TNFAIP8: variants seen among roughly 807,000 people sequenced by gnomAD.
TNFAIP8 encodes tumor necrosis factor alpha-induced protein 8.
Under a neutral mutation model 13.3 loss-of-function variants are expected in TNFAIP8, and 7 were observed. That is an observed-to-expected ratio of 0.52 (90% CI 0.30 to 0.99). The LOEUF (loss-of-function observed/expected upper bound fraction) is 0.99. Ranked by LOEUF, TNFAIP8 falls within the 50% of genes least tolerant of loss-of-function variation. The probability of loss-of-function intolerance (pLI) is 0.07; values close to 1 mark genes in which losing one functional copy is unlikely to be tolerated. For missense variants in TNFAIP8, 258 were observed against 236.9 expected, an observed-to-expected ratio of 1.09 and a Z score of -0.58; for synonymous variants, 94 against 87.6, an observed-to-expected ratio of 1.07 and a Z score of -0.41.
At chr5:119,283,971 T>TTTGCCTC (rs1236403927) in intron 1 of TNFAIP8, among the ~76,000 whole-genome samples, 6 of 152,352 alleles carry the variant, frequency 3.9e-5, no homozygotes, top group Non-Finnish European at 8.8e-5. Flanking sequence ...CTTTTTGCCT[T>TTTGCCTC]TTGCCTCTGG....
intron 1 of TNFAIP8, among the ~76,000 whole-genome samples, chr5:119,392,607 C>T (rs1233264464): frequency 6.6e-6 from 1 of 152,198 alleles, no homozygotes; most frequent in Non-Finnish European, 1.5e-5. Flanking sequence ...CCACCTCAGT[C>T]TCCCAAAGTG....
intron 1 of TNFAIP8, among the ~76,000 whole-genome samples, chr5:119,384,961 A>T (rs1471973799): frequency 4.6e-5 from 7 of 152,252 alleles, no homozygotes; most frequent in Middle Eastern, 3.2e-3. Context: ...AATAAAAGAT[A>T]CACGGTTGAA....
intron 1 of TNFAIP8, among the ~76,000 whole-genome samples, chr5:119,363,790 T>G (rs1044169623): frequency 2.0e-5 from 3 of 152,174 alleles, no homozygotes; most frequent in African/African-American, 7.2e-5. Context: ...GGTTAAGGGC[T>G]CAGTCCCACA....
chr5:119,347,973 A>G (rs1750970576), intron 1 of TNFAIP8, among the ~76,000 whole-genome samples: 1 of 152,260 alleles, frequency 6.6e-6, no homozygotes, highest in African/African-American at 2.4e-5. Context: ...TCTGTGGTCC[A>G]GATTCCACAA....
upstream of TNFAIP8, chr5:119,355,081 G>C (rs1751331780): frequency 1.9e-6 from 1 of 521,452 alleles, no homozygotes; most frequent in African/African-American, 1.9e-5. Context: ...ACAGAGCTAA[G>C]GGGACTTCCT....
chr5:119,368,031 A>G (rs1249080572), intron 1 of TNFAIP8, among the ~76,000 whole-genome samples: 2 of 152,148 alleles, frequency 1.3e-5, no homozygotes, highest in African/African-American at 4.8e-5. Flanking sequence ...TCATCTCCCC[A>G]CTGAGGTAGG....
intron 1 of TNFAIP8, among the ~76,000 whole-genome samples, chr5:119,297,020 T>G (rs1445632312): frequency 6.6e-6 from 1 of 152,066 alleles, no homozygotes; most frequent in Non-Finnish European, 1.5e-5. Context: ...TCTCTCTTTT[T>G]TTCTTTATTA....
intron 1 of TNFAIP8, among the ~76,000 whole-genome samples, chr5:119,289,193 TCTC>T (rs1465366040): frequency 6.6e-6 from 1 of 152,244 alleles, no homozygotes; most frequent in Non-Finnish European, 1.5e-5. Flanking sequence ...TACAATCAAA[TCTC>T]CTATAATTTC....
intron 1 of TNFAIP8, among the ~76,000 whole-genome samples, chr5:119,269,508 C>A (rs1748208446): frequency 6.6e-6 from 1 of 152,124 alleles, no homozygotes; most frequent in African/African-American, 2.4e-5. Flanking sequence ...GCACCTGCTG[C>A]AAAGACACCT....
intron 1 of TNFAIP8, among the ~76,000 whole-genome samples, chr5:119,319,775 G>T (rs4895189): frequency 0.39 from 59,677 of 152,048 alleles, 11,885 homozygotes; most frequent in South Asian, 0.5. Context: ...TGTAGCCCAT[G>T]TCTAGATATT....
intron 1 of TNFAIP8, among the ~76,000 whole-genome samples, chr5:119,300,422 A>G (rs1047965556): frequency 3.3e-5 from 5 of 152,240 alleles, no homozygotes; most frequent in African/African-American, 1.2e-4. Context: ...TCAATCTTTA[A>G]AAAGTAGACC....
chr5:119,343,710 T>G (rs1750811123), intron 1 of TNFAIP8, among the ~76,000 whole-genome samples: 1 of 152,220 alleles, frequency 6.6e-6, no homozygotes, highest in East Asian at 1.9e-4. Flanking sequence ...TTATCAACTT[T>G]AAGTATAGCA....
intron 1 of TNFAIP8, among the ~76,000 whole-genome samples, chr5:119,356,762 C>T (rs1303342469): frequency 6.7e-6 from 1 of 148,424 alleles, no homozygotes; most frequent in Non-Finnish European, 1.5e-5. Context: ...TTACTCCTAA[C>T]AGAGAACAGG....
At chr5:119,350,886 C>T (rs1751100407) in intron 1 of TNFAIP8, among the ~76,000 whole-genome samples, 1 of 152,094 alleles carries the variant, frequency 6.6e-6, no homozygotes. Flanking sequence ...CAGCCCACAT[C>T]AGCCTCCCCA....
At chr5:119,324,487 C>T (rs1208547275) in intron 1 of TNFAIP8, among the ~76,000 whole-genome samples, 3 of 152,004 alleles carry the variant, frequency 2.0e-5, no homozygotes, top group Non-Finnish European at 4.4e-5. Context: ...GGGAATGACA[C>T]ACTTCCTGCC....
chr5:119,285,648 C>T (rs1748756845), intron 1 of TNFAIP8, among the ~76,000 whole-genome samples: 1 of 152,180 alleles, frequency 6.6e-6, no homozygotes, highest in Non-Finnish European at 1.5e-5. Context: ...TTATCTTTTA[C>T]ACAAGAGAGC....
chr5:119,373,693 A>G (rs892725514), intron 1 of TNFAIP8, among the ~76,000 whole-genome samples: 4 of 152,230 alleles, frequency 2.6e-5, no homozygotes, highest in African/African-American at 9.7e-5. Flanking sequence ...TTGTTTCCCA[A>G]ATATGGTACG....
intron 1 of TNFAIP8, among the ~76,000 whole-genome samples, chr5:119,289,766 C>T (rs1253836548): frequency 6.6e-6 from 1 of 152,174 alleles, no homozygotes; most frequent in Non-Finnish European, 1.5e-5. Flanking sequence ...TTAGGAAAGC[C>T]AGAGTGGGAG....
chr5:119,369,280 A>C (rs148486181), intron 1 of TNFAIP8, among the ~76,000 whole-genome samples: 2 of 151,948 alleles, frequency 1.3e-5, no homozygotes, highest in Non-Finnish European at 2.9e-5. Flanking sequence ...TCTCGAACTC[A>C]TGACCTCAAG....
Sources: allele counts gnomAD v4.1 joint callset (sites outside exome capture counted in the v4.1 genomes callset), GRCh38; gene constraint gnomAD v4.1.1; transcripts MANE v1.5; gene names NCBI Gene and HGNC (gene_info 2026-07-23, HGNC 2026-07-21).